Variants in RGS6 observed in about 807,000 individuals in gnomAD.
RGS6 encodes regulator of G protein signaling 6, also known as regulator of G-protein signaling 6.
In RGS6, 30 loss-of-function variants were observed where a neutral mutation model predicts 78.5. The ratio of observed to expected loss-of-function variants is 0.38; its 90% CI spans 0.29 to 0.52. The LOEUF is 0.52. Ranked by LOEUF, RGS6 falls within the 20% of genes least tolerant of loss-of-function variation. The probability of loss-of-function intolerance (pLI) is 0.85; values close to 1 mark genes in which losing one functional copy is unlikely to be tolerated. For synonymous variants in RGS6, 206 were observed against 206.0 expected, an observed-to-expected ratio of 1.00 and a Z score of 0.00; for missense variants, 495 against 609.7, an observed-to-expected ratio of 0.81 and a Z score of 1.98.
intron 2 of RGS6, 143 bp from the exon 3 acceptor site, chr14:72,351,952 G>A (rs2079175212): frequency 1.6e-6 from 1 of 623,470 alleles, no homozygotes; most frequent in Admixed American, 2.9e-5. Context: ...TACTGATGCT[G>A]TATTTATTGA....
At chr14:72,544,096 G>C in intron 17 of RGS6, among the ~76,000 whole-genome samples, 1 of 152,180 alleles carries the variant, frequency 6.6e-6, no homozygotes, top group East Asian at 1.9e-4. Context: ...GGGGTGGGGG[G>C]CCTCACCAAA....
intron 3 of RGS6, among the ~76,000 whole-genome samples, chr14:72,401,485 T>A (rs898947385): frequency 6.6e-6 from 1 of 151,724 alleles, no homozygotes; most frequent in Non-Finnish European, 1.5e-5. Flanking sequence ...AAGTCAAACA[T>A]GATTTTATAT....
At chr14:72,370,062 C>A (rs1432141268) in intron 3 of RGS6, among the ~76,000 whole-genome samples, 1 of 151,244 alleles carries the variant, frequency 6.6e-6, no homozygotes, top group African/African-American at 2.4e-5. Flanking sequence ...TTTATATAAT[C>A]AAAATTGATT....
At position 72,130,071 on chromosome 14, in the gene RGS6, G is replaced by T. The variant is rs2096282406; in HGVS notation, c.84+165196G>T. ...CTTCCTGGCTGACTACAAATGTGGG[G>T]GTTGGGAGAACCCCCAGGTTTGGCA... On this transcript the variant is annotated intron_variant, in intron 2 of 17. Coordinates refer to ENST00000553525, the MANE Select transcript of RGS6 (RefSeq NM_001204424.2). Among the ~76,000 whole-genome samples, 3 of 152,126 alleles carry T rather than the reference G, an allele frequency of 2.0e-5. No homozygotes were observed. In the South Asian group the frequency reaches 6.2e-4, roughly 32 times the overall value.
Position 72,422,348 on chromosome 14 carries a change from T to C in RGS6, c.185-32180T>C, listed in dbSNP as rs140695938. Among the ~76,000 whole-genome samples the C allele has an allele frequency of 9.9e-3, 1,506 of 152,310 alleles. 5 individuals carry two copies. The highest frequency in any genetic ancestry group is 0.013 in the Non-Finnish European group (912 of 68,030). On this transcript the variant is annotated intron_variant, in intron 3 of 17. Transcript: ENST00000553525. ...TGAGCTTTACATCTGAGTTATGCTATAATATCAATCAACATATATAATAAT... is the reference window on the plus strand; with the variant it reads ...TGAGCTTTACATCTGAGTTATGCTACAATATCAATCAACATATATAATAAT...
chr14:71,941,081 G>A (rs186813910), intron 1 of RGS6, among the ~76,000 whole-genome samples: 2 of 152,300 alleles, frequency 1.3e-5, no homozygotes, highest in East Asian at 3.9e-4. Context: ...CTGAAGCTGG[G>A]AGACAGAATC....
the RGS6 span, among the ~76,000 whole-genome samples, chr14:72,579,108 G>GTC: frequency 6.6e-5 from 10 of 151,554 alleles, no homozygotes; most frequent in South Asian, 2.1e-4. Context: ...GTCAGTCTCT[G>GTC]TCTCTCTCTC....
chr14:71,890,358 CAGAGAGAGAG>C, the RGS6 span, among the ~76,000 whole-genome samples: 211 of 133,096 alleles, frequency 1.6e-3, 2 homozygotes, highest in Middle Eastern at 7.5e-3. Flanking sequence ...GTGCATAAGA[CAGAGAGAGAG>C]AGAGAGAGAG....
intron 2 of RGS6, among the ~76,000 whole-genome samples, chr14:72,336,190 C>T (rs1252040045): frequency 2.0e-5 from 3 of 152,136 alleles, no homozygotes; most frequent in Admixed American, 6.6e-5. Context: ...ATATCTATGC[C>T]ATAAGTATAA....
chr14:72,434,318 CAG>C (rs2153178582), intron 3 of RGS6, among the ~76,000 whole-genome samples: 1 of 152,304 alleles, frequency 6.6e-6, no homozygotes, highest in South Asian at 2.1e-4. Context: ...GCCTGGGTGA[CAG>C]AGCGAGACCC....
chr14:72,162,966 T>C (rs1479211558), intron 2 of RGS6, among the ~76,000 whole-genome samples: 1 of 152,172 alleles, frequency 6.6e-6, no homozygotes, highest in Non-Finnish European at 1.5e-5. Context: ...CCAAACATCA[T>C]ATGTTCTCAC....
chr14:72,558,088 G>A lies in RGS6; in HGVS notation c.1423-4329G>A, dbSNP rs184060793. On this transcript the variant is annotated intron_variant, in intron 17 of 17. Coordinates refer to ENST00000553525, the MANE Select transcript of RGS6 (RefSeq NM_001204424.2). ...TGACAAGTGTATGCACCCGTGTAAC[G>A]TATACCCCATCACCCTAGAAGGCTC... Among the ~76,000 whole-genome samples, 12 of 152,074 alleles carry A rather than the reference G, an allele frequency of 7.9e-5. No individual in the cohort carries two copies. In the South Asian group the frequency reaches 1.9e-3, roughly 24 times the overall value.
chr14:72,566,233 C>T lies in RGS6; in HGVS notation c.*3766C>T, dbSNP rs148244770. 15 of 152,142 alleles carry T rather than the reference C, an allele frequency of 9.9e-5. No homozygotes were observed. Among genetic ancestry groups the T allele is most frequent in the Non-Finnish European group, 1.9e-4 (13 of 68,034 alleles). The allele number at this position is 152,142 out of a possible 1,614,324, so 9.4% of individuals were successfully genotyped here. ...GTAGCAAATGTAGCAATAAAGGGCC[C>T]GGGTCTATACGGGGACAGGGTCCAA... On this transcript the variant is annotated 3_prime_UTR_variant, in exon 18 of 18. Coordinates refer to ENST00000553525, the MANE Select transcript of RGS6 (RefSeq NM_001204424.2).
intron 9 of RGS6, among the ~76,000 whole-genome samples, chr14:72,473,620 T>A (rs1311952829): frequency 6.6e-6 from 1 of 152,192 alleles, no homozygotes; most frequent in African/African-American, 2.4e-5. Context: ...ATACGGTTAA[T>A]TCTTGTTATC....
At chr14:72,253,119 T>G (rs1488225801) in intron 2 of RGS6, among the ~76,000 whole-genome samples, 1 of 152,222 alleles carries the variant, frequency 6.6e-6, no homozygotes. Flanking sequence ...TGACTTGCTT[T>G]GGTCAATAAA....
At chr14:72,142,470 G>GA (rs2096553797) in intron 2 of RGS6, among the ~76,000 whole-genome samples, 1 of 152,192 alleles carries the variant, frequency 6.6e-6, no homozygotes, top group Non-Finnish European at 1.5e-5. Context: ...AGGCCTGCAT[G>GA]AAAATCACTC....
chr14:72,076,411 T>C (rs2094576022), intron 2 of RGS6, among the ~76,000 whole-genome samples: 1 of 152,230 alleles, frequency 6.6e-6, no homozygotes, highest in East Asian at 1.9e-4. Context: ...TTGGTATTTC[T>C]TTTCTGTTTT....
chr14:72,181,959 A>T (rs928191884), intron 2 of RGS6, among the ~76,000 whole-genome samples: 3 of 152,360 alleles, frequency 2.0e-5, no homozygotes, highest in African/African-American at 7.2e-5. Context: ...GATTTACCAC[A>T]AAAAAGGAAA....
chr14:72,380,296 C>G (rs887238655), intron 3 of RGS6, among the ~76,000 whole-genome samples: 10 of 151,918 alleles, frequency 6.6e-5, no homozygotes, highest in African/African-American at 2.2e-4. Context: ...CTGGCACAGA[C>G]TACAAAAGCA....
Sources: allele counts gnomAD v4.1 joint callset (sites outside exome capture counted in the v4.1 genomes callset), GRCh38; gene constraint gnomAD v4.1.1; transcripts MANE v1.5; gene names NCBI Gene and HGNC (gene_info 2026-07-23, HGNC 2026-07-21).